STON2: variants seen among roughly 807,000 people sequenced by gnomAD.
STON2 encodes the protein stonin 2, also known as stonin-2.
In STON2, 29 loss-of-function variants were observed where a neutral mutation model predicts 65.7. The ratio of observed to expected loss-of-function variants is 0.44; its 90% confidence interval spans 0.33 to 0.60. STON2 has a LOEUF of 0.60. STON2 is among the 20% of genes least tolerant of loss of function. STON2 has a pLI of 0.03. For synonymous variants in STON2, 404 were observed against 414.2 expected (o/e 0.98, Z 0.30); for missense variants, 1,054 against 1,118.1 (o/e 0.94, Z 0.82).
intron 2 of STON2, among the ~76,000 whole-genome samples, chr14:81,405,660 A>G (rs1159458472): frequency 6.6e-6 from 1 of 151,852 alleles, no homozygotes; most frequent in Non-Finnish European, 1.5e-5. Context: ...GAGCTTGTAT[A>G]AAGCTTGGTC....
intron 5 of STON2, among the ~76,000 whole-genome samples, chr14:81,291,382 C>T (rs1895548661): frequency 6.6e-6 from 1 of 152,116 alleles, no homozygotes; most frequent in Non-Finnish European, 1.5e-5. Flanking sequence ...ACACTTTGAT[C>T]AAGGCAGAAT....
chr14:81,374,456 T>A (rs779011946), intron 3 of STON2, among the ~76,000 whole-genome samples: 3 of 152,092 alleles, frequency 2.0e-5, no homozygotes, highest in Non-Finnish European at 4.4e-5. Context: ...CAAGTTACCA[T>A]GAACAAGAAC....
At chr14:81,435,172 A>C (rs542234697) in intron 1 of STON2, among the ~76,000 whole-genome samples, 38 of 152,352 alleles carry the variant, frequency 2.5e-4, no homozygotes, top group South Asian at 1.9e-3. Context: ...GAATGCATTT[A>C]TCTCTCTCAC....
rs556390600 is a variant in STON2, at chr14:81,400,262, C to T, written c.-199+17G>A. Among the ~76,000 whole-genome samples, 1 of 152,212 alleles carries T rather than the reference C, an allele frequency of 6.6e-6. No homozygotes were observed. The highest frequency in any genetic ancestry group is 1.9e-4 in the East Asian group (1 of 5,182). ...CAAACAGCCTGGAGAGAGCAGGTCT[C>T]CCAAACCAGATCTTACCAGAGAGCA... On this transcript the variant is annotated intron_variant, in intron 1 of 7. Coordinates refer to ENST00000614646, the MANE Select transcript of STON2 (RefSeq NM_001394390.1).
chr14:81,283,687 CG>C (rs1343932302), intron 5 of STON2, among the ~76,000 whole-genome samples: 2 of 152,076 alleles, frequency 1.3e-5, no homozygotes, highest in Non-Finnish European at 2.9e-5. Flanking sequence ...CCTGCCACCA[CG>C]CCCGGCTAAT....
At chr14:81,433,654 C>A (rs890013919) in intron 1 of STON2, among the ~76,000 whole-genome samples, 1 of 152,198 alleles carries the variant, frequency 6.6e-6, no homozygotes, top group African/African-American at 2.4e-5. Context: ...TACTTCTGAG[C>A]AGACTTTAGA....
chr14:81,336,784 A>T (rs1394545351), intron 4 of STON2, among the ~76,000 whole-genome samples: 2 of 152,178 alleles, frequency 1.3e-5, no homozygotes, highest in African/African-American at 4.8e-5. Context: ...GATTTGAAGG[A>T]TACAAGATGG....
At chr14:81,381,994 C>T (rs1481827208) in intron 3 of STON2, among the ~76,000 whole-genome samples, 5 of 152,008 alleles carry the variant, frequency 3.3e-5, no homozygotes, top group Admixed American at 6.6e-5. Flanking sequence ...CTGACACAGG[C>T]GGATTACGAG....
rs529035509 is a variant in STON2 at position 81,264,377 on chromosome 14, G to A, written c.*4037C>T. ...GTATTTGATGATAAGTAAGGGTTAAGTAGCCTTCGAGTCTCAGGGTCAGTA... is the reference window on the plus strand; with the variant it reads ...GTATTTGATGATAAGTAAGGGTTAAATAGCCTTCGAGTCTCAGGGTCAGTA... On this transcript the variant is annotated 3_prime_UTR_variant, in exon 8 of 8. Transcript: ENST00000614646. 1.0e-6 allele frequency: 1 copy of A among 985,450 alleles called. No individual in the cohort carries two copies. Among genetic ancestry groups the A allele is most frequent in the South Asian group, 4.7e-5 (1 of 21,290 alleles). The allele number at this position is 985,450 out of a possible 1,614,324, so 61.0% of individuals were successfully genotyped here. A position where few individuals can be genotyped will look rare whatever the true frequency, so the allele number is the denominator to read the frequency against.
chr14:81,431,169 T>C (rs1399027118), intron 1 of STON2, among the ~76,000 whole-genome samples: 1 of 152,150 alleles, frequency 6.6e-6, no homozygotes, highest in Non-Finnish European at 1.5e-5. Context: ...AGCTTTCTCA[T>C]CCACCTCTGG....
intron 4 of STON2, among the ~76,000 whole-genome samples, chr14:81,347,737 C>T (rs941585277): frequency 6.9e-6 from 1 of 144,122 alleles, no homozygotes; most frequent in African/African-American, 2.6e-5. Context: ...GACCCCCTCC[C>T]CCTTCTCTAT....
intron 4 of STON2, among the ~76,000 whole-genome samples, chr14:81,347,733 CT>C (rs140632390): frequency 0.26 from 37,832 of 142,780 alleles, 5,228 homozygotes; most frequent in South Asian, 0.35. Context: ...GTGAGACCCC[CT>C]CCCCCTTCTC....
chr14:81,379,127 A>G (rs1899393234), intron 3 of STON2, among the ~76,000 whole-genome samples: 1 of 152,242 alleles, frequency 6.6e-6, no homozygotes, highest in Admixed American at 6.5e-5. Flanking sequence ...AAAATAACCA[A>G]AAGACTTTAC....
upstream of STON2, among the ~76,000 whole-genome samples, chr14:81,400,714 G>T (rs558813254): frequency 2.3e-3 from 347 of 152,234 alleles, 5 homozygotes; most frequent in Non-Finnish European, 3.1e-3. Context: ...AGAAAACTGA[G>T]GCCCAAGGAA....
At position 81,266,133 on chromosome 14, in the gene STON2, C is replaced by T. The variant is rs1008288250; in HGVS notation, c.*2281G>A. 1 of 978,360 alleles carries T rather than the reference C, an allele frequency of 1.0e-6. No individual in the cohort carries two copies. The highest frequency in any genetic ancestry group is 6.2e-5 in the Admixed American group (1 of 16,250). The allele number at this position is 978,360 out of a possible 1,614,324, so 60.6% of individuals were successfully genotyped here. A position where few individuals can be genotyped will look rare whatever the true frequency, so the allele number is the denominator to read the frequency against. Reference sequence around the variant, plus strand: ...GAGTCTTATTACTATTGAGACTAAACCTATATTTAGAAGGAATCTTGGTAG... The same window carrying T: ...GAGTCTTATTACTATTGAGACTAAATCTATATTTAGAAGGAATCTTGGTAG... On this transcript the variant is annotated 3_prime_UTR_variant, in exon 8 of 8. Transcript: ENST00000614646.
chr14:81,405,020 T>C (rs1900777921), upstream of STON2, among the ~76,000 whole-genome samples: 1 of 152,250 alleles, frequency 6.6e-6, no homozygotes, highest in South Asian at 2.1e-4. Context: ...ATATTTTCTC[T>C]TTATCTTTCA....
chr14:81,337,010 G>T (rs1483985403), intron 4 of STON2, among the ~76,000 whole-genome samples: 2 of 152,252 alleles, frequency 1.3e-5, no homozygotes, highest in South Asian at 4.2e-4. Flanking sequence ...TTAGTCCCAA[G>T]GTTCTAACTG....
chr14:81,420,676 G>T (rs1256694694), intron 2 of STON2, among the ~76,000 whole-genome samples: 1 of 152,192 alleles, frequency 6.6e-6, no homozygotes, highest in East Asian at 1.9e-4. Flanking sequence ...GTTGAAAGAT[G>T]AATAGAAATT....
At chr14:81,376,034 T>C (rs1439696054) in intron 3 of STON2, among the ~76,000 whole-genome samples, 1 of 151,652 alleles carries the variant, frequency 6.6e-6, no homozygotes, top group African/African-American at 2.4e-5. Context: ...ATAATGAAAA[T>C]ACTATATGTG....
Sources: allele counts gnomAD v4.1 joint callset (sites outside exome capture counted in the v4.1 genomes callset), GRCh38; gene constraint gnomAD v4.1.1; transcripts MANE v1.5; gene names NCBI Gene and HGNC (gene_info 2026-07-23, HGNC 2026-07-21).